Variants in LOC114841035 observed in about 807,000 individuals in gnomAD.
At chr11:64,242,546 C>T in the LOC114841035 span, 1 of 1,547,738 alleles carries the variant, frequency 6.5e-7, no homozygotes, top group Non-Finnish European at 8.7e-7. Context: ...ATGTCCTGCA[C>T]ATGCACTACA....
the LOC114841035 span, chr11:64,243,203 A>G: frequency 6.2e-7 from 1 of 1,613,622 alleles, no homozygotes; most frequent in Non-Finnish European, 8.5e-7. Context: ...CCACAGGGGA[A>G]GCTGGAAGAT....
At chr11:64,242,577 C>T in the LOC114841035 span, 1 of 1,526,100 alleles carries the variant, frequency 6.6e-7, no homozygotes, top group Admixed American at 2.4e-5. Context: ...GTTGGGCGGG[C>T]CTTTTGGGAG....
the LOC114841035 span, chr11:64,243,579 G>T: frequency 1.3e-6 from 2 of 1,529,192 alleles, no homozygotes; most frequent in Admixed American, 1.7e-5. Flanking sequence ...CTTTTCATTG[G>T]TCTTCACCGT....
chr11:64,242,499 C>T, the LOC114841035 span: 2 of 1,553,950 alleles, frequency 1.3e-6, no homozygotes, highest in Admixed American at 2.2e-5. Context: ...GGTCAAGAAG[C>T]GGGTGGACCA....
the LOC114841035 span, chr11:64,242,250 G>T: frequency 3.4e-6 from 3 of 881,188 alleles, no homozygotes; most frequent in South Asian, 2.3e-5. Context: ...AGAGGGCGGT[G>T]ACCCGGGACA....
At chr11:64,244,015 C>T in the LOC114841035 span, 10 of 1,613,660 alleles carry the variant, frequency 6.2e-6, no homozygotes, top group Non-Finnish European at 8.5e-6. Flanking sequence ...AATAGAGCGA[C>T]GAACTGAGCT....
chr11:64,243,574 C>A, the LOC114841035 span: 1 of 1,540,144 alleles, frequency 6.5e-7, no homozygotes, highest in Non-Finnish European at 9.0e-7. Flanking sequence ...TTCAGCTTTT[C>A]ATTGGTCTTC....
the LOC114841035 span, chr11:64,243,183 T>C: frequency 6.2e-6 from 10 of 1,612,514 alleles, no homozygotes; most frequent in Non-Finnish European, 7.6e-6. Flanking sequence ...TCACTGGCCT[T>C]CTCATGGTTC....
chr11:64,243,629 G>A, the LOC114841035 span: 7 of 1,254,706 alleles, frequency 5.6e-6, no homozygotes, highest in African/African-American at 1.5e-5. Context: ...AAGTTTGGCT[G>A]TGTCTAGCAG....
chr11:64,242,636 A>T, the LOC114841035 span: 2 of 1,445,726 alleles, frequency 1.4e-6, no homozygotes, highest in Non-Finnish European at 1.8e-6. Context: ...CTGGTTCTCC[A>T]TAAGCCAGGT....
At chr11:64,242,573 C>G in the LOC114841035 span, 4 of 1,519,488 alleles carry the variant, frequency 2.6e-6, no homozygotes, top group Non-Finnish European at 3.5e-6. Context: ...GTGGGTTGGG[C>G]GGGCCTTTTG....
At chr11:64,242,995 C>T in the LOC114841035 span, among the ~76,000 whole-genome samples, 1 of 152,210 alleles carries the variant, frequency 6.6e-6, no homozygotes, top group Non-Finnish European at 1.5e-5. Flanking sequence ...TTGCTTGAAC[C>T]CGGGAGGCAG....
At chr11:64,242,206 C>G in the LOC114841035 span, 2 of 552,076 alleles carry the variant, frequency 3.6e-6, no homozygotes, top group African/African-American at 4.0e-5. Context: ...CCCCTTCTCA[C>G]TGGACTGGTA....
the LOC114841035 span, chr11:64,243,546 G>A: frequency 5.0e-5 from 80 of 1,603,680 alleles, no homozygotes; most frequent in East Asian, 1.8e-3. Context: ...GTGTGTGACT[G>A]GGAAGGGTGA....
the LOC114841035 span, chr11:64,244,043 G>T: frequency 4.3e-6 from 7 of 1,613,544 alleles, no homozygotes; most frequent in Admixed American, 1.7e-5. Context: ...GACTGGGGAG[G>T]GGCAGGGGGA....
chr11:64,243,826 G>C, the LOC114841035 span: 1 of 1,613,930 alleles, frequency 6.2e-7, no homozygotes, highest in Non-Finnish European at 8.5e-7. Context: ...CTGTTTCTTT[G>C]TGCATCTTCA....
the LOC114841035 span, chr11:64,242,489 G>T: frequency 9.0e-6 from 14 of 1,554,110 alleles, no homozygotes; most frequent in Non-Finnish European, 1.2e-5. Context: ...TGCAGATCGG[G>T]GTCAAGAAGC....
chr11:64,242,496 AAGC>A, the LOC114841035 span: 1 of 1,555,288 alleles, frequency 6.4e-7, no homozygotes, highest in African/African-American at 1.4e-5. Context: ...CGGGGTCAAG[AAGC>A]GGGTGGACCA....
At chr11:64,242,442 G>A in the LOC114841035 span, 1 of 1,550,750 alleles carries the variant, frequency 6.4e-7, no homozygotes, top group Non-Finnish European at 8.7e-7. Flanking sequence ...CCTGAGCGCC[G>A]TGGCCACGGC....
Sources: allele counts gnomAD v4.1 joint callset (sites outside exome capture counted in the v4.1 genomes callset), GRCh38; gene constraint gnomAD v4.1.1; transcripts MANE v1.5.